PCNX2: variants seen among roughly 807,000 people sequenced by gnomAD.
PCNX2 encodes the protein pecanex-like protein 2.
PCNX2 carries 168 observed loss-of-function variants against 223.8 expected under a neutral mutation model. That is an observed-to-expected ratio of 0.75 (90% CI 0.66 to 0.85). The LOEUF (loss-of-function observed/expected upper bound fraction) is 0.85, where lower values mean the gene tolerates loss of function less well. Among genes scored for constraint, PCNX2 ranks in the 40% least tolerant of loss-of-function variants. The probability of loss-of-function intolerance (pLI) is 0.00; values close to 1 mark genes in which losing one functional copy is unlikely to be tolerated. For missense variants in PCNX2, 2,507 were observed against 2,675.5 expected (o/e 0.94, Z 1.39); for synonymous variants, 1,006 against 1,052.6 (o/e 0.96, Z 0.86).
intron 1 of PCNX2, chr1:233,288,826 T>TTTTTG: frequency 1.6e-6 from 1 of 624,796 alleles, no homozygotes; most frequent in Non-Finnish European, 2.5e-6. Context: ...TTTTTTTTTT[T>TTTTTG]ACTGTGAATA....
At position 233,014,776 on chromosome 1, in the gene PCNX2, G is replaced by A. The variant is rs2102816806; in HGVS notation, c.4841C>T (p.Pro1614Leu). Residue 1614 changes from proline to leucine, a missense_variant and splice_region_variant, in exon 28 of 34, where the codon CCT becomes CTT. Pro to Leu is a moderately conservative substitution (Grantham distance 98). This residue lies in a region of PCNX2 where 1,372 missense variants were observed against 1,509.4 expected (regional missense o/e 0.91). Coordinates refer to ENST00000258229, the MANE Select transcript of PCNX2 (RefSeq NM_014801.4). Reference sequence around the variant, plus strand: ...CTCGTCACTGTCCAGGGTCGTTGAAGGCTGAAAGAGCAAGAAGTTAACTCA... The same window carrying A: ...CTCGTCACTGTCCAGGGTCGTTGAAAGCTGAAAGAGCAAGAAGTTAACTCA... ...IQHCARKRQE[P>L]STTLDSDEDS... is the part of the protein sequence containing the mutation. 3 of 1,612,506 alleles carry A rather than the reference G, an allele frequency of 1.9e-6. No individual in the cohort carries two copies. The highest frequency in any genetic ancestry group is 2.5e-6 in the Non-Finnish European group (3 of 1,178,678).
chr1:233,092,810 T>C (rs1020509062), intron 22 of PCNX2, among the ~76,000 whole-genome samples: 1 of 145,344 alleles, frequency 6.9e-6, no homozygotes, highest in South Asian at 2.2e-4. Context: ...TTGTTTTTGT[T>C]TTTTTTGAAA....
rs185678621 is a variant in PCNX2 at position 233,034,752 on chromosome 1, T to C, written c.4352-9353A>G. On this transcript the variant is annotated intron_variant, in intron 25 of 33. Coordinates refer to ENST00000258229, the MANE Select transcript of PCNX2 (RefSeq NM_014801.4). ...AACCAAAATATTCCCTTTTTTTGCA[T>C]CCCAAAAGGCCTCATGAGAGGTACC... 1.5e-4 allele frequency among the ~76,000 whole-genome samples: 23 copies of C among 152,244 alleles called. No individual in the cohort carries two copies. In the East Asian group the frequency reaches 4.1e-3, roughly 27 times the overall value.
At chr1:233,195,016 CAAAAA>C (rs574552463) in intron 15 of PCNX2, among the ~76,000 whole-genome samples, 1 of 63,376 alleles carries the variant, frequency 1.6e-5, no homozygotes, top group Non-Finnish European at 3.6e-5. Context: ...GATTCCATCT[CAAAAA>C]AAAAAAAAAA....
intron 28 of PCNX2, among the ~76,000 whole-genome samples, chr1:233,004,630 GTC>G (rs1670215055): frequency 6.6e-6 from 1 of 152,240 alleles, no homozygotes; most frequent in Admixed American, 6.5e-5. Flanking sequence ...TGTGAAGGGA[GTC>G]TCTGAGGACG....
At position 233,001,973 on chromosome 1, in the gene PCNX2, C is replaced by T. The variant is rs1670104446; in HGVS notation, c.4953-292G>A. ...TAGGATTCCAGGTCAGAACTGGCCT[C>T]ACGTGTCCACTCAAAGTTAGAGTGC... On this transcript the variant is annotated intron_variant, in intron 28 of 33. Coordinates refer to ENST00000258229, the MANE Select transcript of PCNX2 (RefSeq NM_014801.4). This position sits in a 1 kb window ranked among gnomAD's most constrained non-coding sequence, Gnocchi z 4.2. 1.3e-5 allele frequency among the ~76,000 whole-genome samples: 2 copies of T among 152,158 alleles called. No individual in the cohort carries two copies. Among genetic ancestry groups the T allele is most frequent in the Admixed American group, 6.5e-5 (1 of 15,278 alleles).
At chr1:233,229,439 G>A (rs542259605) in intron 9 of PCNX2, among the ~76,000 whole-genome samples, 12 of 152,286 alleles carry the variant, frequency 7.9e-5, no homozygotes, top group Middle Eastern at 6.8e-3. Context: ...TTCTTTGCAT[G>A]ATGATGAACT....
rs116297633 is a variant in PCNX2, at chr1:233,251,153, C to T, written c.2129-321G>A. On this transcript the variant is annotated intron_variant, in intron 7 of 33. Coordinates refer to ENST00000258229, the MANE Select transcript of PCNX2 (RefSeq NM_014801.4). Reference sequence around the variant, plus strand: ...ATCATCTCTTAATTCACTTTACATACGTTCTCTTCATGTGTCAGCATGATC... The same window carrying T: ...ATCATCTCTTAATTCACTTTACATATGTTCTCTTCATGTGTCAGCATGATC... Among the ~76,000 whole-genome samples, 1,150 of 152,268 alleles carry T rather than the reference C, an allele frequency of 7.6e-3. 9 individuals are homozygous for T. The highest frequency in any genetic ancestry group is 0.023 in the South Asian group (111 of 4,826).
At chr1:233,087,303 G>T in intron 23 of PCNX2, 1 of 679,636 alleles carries the variant, frequency 1.5e-6, no homozygotes, top group Non-Finnish European at 1.8e-6. Context: ...ACTGCTAGGT[G>T]GCCTCCAACA....
At chr1:233,211,960 G>T in intron 12 of PCNX2, 1 of 226,422 alleles carries the variant, frequency 4.4e-6, no homozygotes, top group Non-Finnish European at 7.4e-6. Context: ...TTTCTCGGCT[G>T]TTGCCCTGTG....
chr1:233,263,746 G>A (rs1392698970), intron 1 of PCNX2, among the ~76,000 whole-genome samples: 1 of 152,148 alleles, frequency 6.6e-6, no homozygotes, highest in Non-Finnish European at 1.5e-5. Flanking sequence ...GTGAGCCACT[G>A]TACCCGGCCT....
chr1:233,197,558 AC>A (rs1340879127), intron 15 of PCNX2, among the ~76,000 whole-genome samples: 1 of 152,218 alleles, frequency 6.6e-6, no homozygotes, highest in African/African-American at 2.4e-5. Flanking sequence ...GTGGTAACAA[AC>A]GGGCCACTAC....
chr1:233,285,599 T>C lies in PCNX2; in HGVS notation c.153+9727A>G, dbSNP rs144852592. ...CTGAGGTAGGAGAATTGCTTGAACC[T>C]GCGAGGCAGAGGTTGCAGCGACCTG... is the stretch of plus-strand genomic sequence containing the variant. On this transcript the variant is annotated intron_variant, in intron 1 of 33. Coordinates refer to ENST00000258229, the MANE Select transcript of PCNX2 (RefSeq NM_014801.4). 4.4e-3 allele frequency among the ~76,000 whole-genome samples: 667 copies of C among 152,242 alleles called. 4 individuals carry two copies. The highest frequency in any genetic ancestry group is 0.016 in the African/African-American group (651 of 41,544).
At position 233,054,477 on chromosome 1, in the gene PCNX2, T is replaced by G. The variant is rs778987545; in HGVS notation, c.4142A>C (p.Asp1381Ala). The change falls in exon 25 of 34, where the codon GAT becomes GCT. Residue 1381 changes from aspartate to alanine, a missense_variant. Asp to Ala is a moderately radical substitution (Grantham distance 126). Transcript: ENST00000258229. ...AAAAATGGAATTGAGATTGTTGTCA[T>G]CATTCCCTAAAGGCAGACAAGAAAT... ...AVQIERDPGN[D>A]DNNLNSIFYE... 1.9e-6 allele frequency: 3 copies of G among 1,611,524 alleles called. No individual in the cohort carries two copies. The African/African-American group carries it at 4.0e-5, about 21-fold the overall frequency.
At chr1:233,106,080 C>T (rs570791035) in intron 21 of PCNX2, among the ~76,000 whole-genome samples, 106 of 152,270 alleles carry the variant, frequency 7.0e-4, no homozygotes, top group African/African-American at 2.5e-3. Context: ...GAGATAATGA[C>T]AGTGACTGAC....
chr1:233,018,310 A>G (rs554511218), intron 26 of PCNX2, among the ~76,000 whole-genome samples: 1 of 152,130 alleles, frequency 6.6e-6, no homozygotes, highest in East Asian at 1.9e-4. Context: ...GGGGTGATCC[A>G]CTGTGCCCAG....
chr1:233,225,588 A>G (rs531534566), intron 10 of PCNX2, among the ~76,000 whole-genome samples: 1 of 152,358 alleles, frequency 6.6e-6, no homozygotes, highest in African/African-American at 2.4e-5. Context: ...TGATTAAAAT[A>G]ATGAAAACAT....
intron 25 of PCNX2, among the ~76,000 whole-genome samples, chr1:233,035,114 C>T (rs116810198): frequency 0.011 from 1,610 of 152,196 alleles, 35 homozygotes; most frequent in African/African-American, 0.036. Flanking sequence ...TTCAAAGGGA[C>T]GTTAAACATG....
At chr1:233,294,444 C>T (rs1661948912) in intron 1 of PCNX2, among the ~76,000 whole-genome samples, 1 of 152,124 alleles carries the variant, frequency 6.6e-6, no homozygotes, top group African/African-American at 2.4e-5. Context: ...TAAAGAGAAA[C>T]CCAATCACAA....
Sources: allele counts gnomAD v4.1 joint callset (sites outside exome capture counted in the v4.1 genomes callset), GRCh38; gene constraint gnomAD v4.1.1; regional missense constraint gnomAD v4.1.1; non-coding constraint Gnocchi (gnomAD v3.1); transcripts MANE v1.5; gene names NCBI Gene and HGNC (gene_info 2026-07-23, HGNC 2026-07-21).